CACNG8: variants seen among roughly 807,000 people sequenced by gnomAD.
CACNG8 encodes the protein voltage-dependent calcium channel gamma-8 subunit.
Under a neutral mutation model 26.9 loss-of-function variants are expected in CACNG8, and 5 were observed. The ratio of observed to expected loss-of-function variants is 0.19; its 90% CI spans 0.10 to 0.39. The LOEUF (loss-of-function observed/expected upper bound fraction) is 0.39. CACNG8 is among the 10% of genes least tolerant of loss of function. The pLI is 1.00. For synonymous variants in CACNG8, 321 were observed against 296.7 expected, an observed-to-expected ratio of 1.08 and a Z score of -0.84; for missense variants, 473 against 609.4, an observed-to-expected ratio of 0.78 and a Z score of 2.36.
intron 1 of CACNG8, among the ~76,000 whole-genome samples, chr19:53,964,673 T>A (rs2069262440): frequency 6.6e-6 from 1 of 152,012 alleles, no homozygotes; most frequent in Admixed American, 6.6e-5. Flanking sequence ...ACTTCCCCAC[T>A]TCTCCAAGAC....
chr19:53,978,255 G>A, intron 2 of CACNG8, 26 bp downstream of exon 2: 2 of 1,590,222 alleles, frequency 1.3e-6, no homozygotes, highest in Non-Finnish European at 8.6e-7. Context: ...GGACAGACGT[G>A]GGGAGTGGGT....
chr19:53,972,761 G>A (rs1408497724), intron 1 of CACNG8, among the ~76,000 whole-genome samples: 1 of 152,096 alleles, frequency 6.6e-6, no homozygotes, highest in East Asian at 1.9e-4. Flanking sequence ...GGGACGATCC[G>A]GTTCCAAAAC....
rs1482420204 is a variant in CACNG8 at position 53,984,083 on chromosome 19, C to T, written c.*1234C>T. 6.6e-6 allele frequency: 1 copy of T among 152,292 alleles called. No homozygotes were observed. Among genetic ancestry groups the T allele is most frequent in the Non-Finnish European group, 1.5e-5 (1 of 68,078 alleles). The allele number at this position is 152,292 out of a possible 1,614,324, so 9.4% of individuals were successfully genotyped here. On this transcript the variant is annotated 3_prime_UTR_variant, in exon 4 of 4. Coordinates refer to ENST00000270458, the MANE Select transcript of CACNG8 (RefSeq NM_031895.6). ...GGCACGGGCCCTTGGAGCTCACACT[C>T]TTGTGGGAGGAAGCACGTAATTACA...
intron 1 of CACNG8, among the ~76,000 whole-genome samples, chr19:53,974,083 G>A (rs1275289665): frequency 6.6e-6 from 1 of 152,006 alleles, no homozygotes; most frequent in Non-Finnish European, 1.5e-5. Flanking sequence ...CTTGCAAAAT[G>A]GAAACTCAGT....
At chr19:53,968,506 A>C (rs1306475702) in intron 1 of CACNG8, among the ~76,000 whole-genome samples, 2 of 151,822 alleles carry the variant, frequency 1.3e-5, no homozygotes, top group African/African-American at 4.8e-5. Context: ...GCGGTGGCTC[A>C]CGCCTGTAAT....
At position 53,982,128 on chromosome 19, in the gene CACNG8, G is replaced by A. The variant is rs142463241; in HGVS notation, c.557G>A (p.Gly186Asp). The change falls in exon 4 of 4, where the codon GGC (glycine) becomes GAC (aspartate). Residue 186 changes from glycine to aspartate, a missense_variant. By Grantham distance (94) the Gly-to-Asp change is moderately conservative. This residue lies in a region of CACNG8 where 155 missense variants were observed against 253.0 expected (regional missense o/e 0.61). Coordinates refer to ENST00000270458, the MANE Select transcript of CACNG8 (RefSeq NM_031895.6). The surrounding 1 kb of genome is among the most constrained non-coding windows in gnomAD (Gnocchi z 8.4). ...ATCGTGTACATCTCCGCCAACGCGG[G>A]CGAGCCGGGCCCGAAGCGGGACGAG... 18 of 1,609,444 alleles carry A rather than the reference G, an allele frequency of 1.1e-5. No individual in the cohort carries two copies. Among genetic ancestry groups the A allele is most frequent in the East Asian group, 6.7e-5 (3 of 44,626 alleles).
At position 53,985,695 on chromosome 19, in the gene CACNG8, G is replaced by A. The variant is rs1399041790; in HGVS notation, c.*2846G>A. 1 of 152,172 alleles carries A rather than the reference G, an allele frequency of 6.6e-6. No homozygotes were observed. The highest frequency in any genetic ancestry group is 1.5e-5 in the Non-Finnish European group (1 of 68,100). The allele number at this position is 152,172 out of a possible 1,614,324, so 9.4% of individuals were successfully genotyped here. A position where few individuals can be genotyped will look rare whatever the true frequency, so the allele number is the denominator to read the frequency against. ...CCAAAAATACAAAAATTAGCCGGGT[G>A]TGGTGGTGCACGCCTGTAGTCCCGG... On this transcript the variant is annotated 3_prime_UTR_variant, in exon 4 of 4. Coordinates refer to ENST00000270458, the MANE Select transcript of CACNG8 (RefSeq NM_031895.6).
intron 1 of CACNG8, among the ~76,000 whole-genome samples, chr19:53,976,292 T>C (rs1247833409): frequency 6.6e-6 from 1 of 152,154 alleles, no homozygotes; most frequent in Non-Finnish European, 1.5e-5. Flanking sequence ...AGGTGGAGGT[T>C]GCAGTGAGCC....
intron 1 of CACNG8, among the ~76,000 whole-genome samples, chr19:53,966,484 C>T (rs980749782): frequency 6.6e-6 from 1 of 152,128 alleles, no homozygotes; most frequent in Admixed American, 6.6e-5. Context: ...AAGACCATAG[C>T]TCACTGCAGC....
intron 3 of CACNG8, among the ~76,000 whole-genome samples, 158 bp from the exon 4 acceptor site, chr19:53,981,922 C>T (rs1457278448): frequency 2.6e-5 from 4 of 151,424 alleles, no homozygotes; most frequent in Admixed American, 6.6e-5. Flanking sequence ...CTTGGGTCAG[C>T]CAGATCCAGG....
chr19:53,982,666 C>G lies in CACNG8; in HGVS notation c.1095C>G (p.Phe365Leu), dbSNP rs2069379640. The G allele has an allele frequency of 9.2e-7, 1 of 1,090,104 alleles. No homozygotes were observed. The highest frequency in any genetic ancestry group is 5.7e-5 in the East Asian group (1 of 17,628). 67.5% of individuals were successfully genotyped at this position (1,090,104 alleles called of 1,614,324 possible). ...GGGACCGCGGGGGGGCGTCCGGCTT[C>G]CTCACGCTGCACAACGCCTTCCCCA... is the stretch of plus-strand genomic sequence containing the variant. The change falls in exon 4 of 4, where the codon TTC (phenylalanine) becomes TTG (leucine). Residue 365 changes from phenylalanine (F) to leucine (L), a missense_variant. Physicochemically the swap from Phe to Leu is conservative, Grantham distance 22. Transcript: ENST00000270458. This position sits in a 1 kb window ranked among gnomAD's most constrained non-coding sequence, Gnocchi z 8.4.
At chr19:53,963,517 C>T (rs1039864408) in intron 1 of CACNG8, 92 bp downstream of exon 1, 1 of 1,293,520 alleles carries the variant, frequency 7.7e-7, no homozygotes, top group African/African-American at 1.6e-5. Flanking sequence ...ATCCTGGGGC[C>T]CCCTTGGGCA....
At chr19:53,979,744 G>T in intron 2 of CACNG8, 123 bp from the exon 3 acceptor site, 1 of 1,000,696 alleles carries the variant, frequency 1.0e-6, no homozygotes, top group Non-Finnish European at 1.4e-6. Flanking sequence ...GAACACAGCC[G>T]GAGAGAGAGA....
At chr19:53,978,489 T>TTGGCC (rs1462078742) in intron 2 of CACNG8, among the ~76,000 whole-genome samples, 1 of 151,980 alleles carries the variant, frequency 6.6e-6, no homozygotes, top group African/African-American at 2.4e-5. Flanking sequence ...TTTGCTCTCT[T>TTGGCC]TGGCCCTCGC....
chr19:53,965,445 A>G (rs1466971410), intron 1 of CACNG8, among the ~76,000 whole-genome samples: 1 of 151,646 alleles, frequency 6.6e-6, no homozygotes, highest in Non-Finnish European at 1.5e-5. Flanking sequence ...CTCCTGTGGA[A>G]GTTTGAGTTC....
intron 1 of CACNG8, among the ~76,000 whole-genome samples, chr19:53,968,074 A>T (rs757043163): frequency 6.6e-6 from 1 of 151,508 alleles, no homozygotes; most frequent in Non-Finnish European, 1.5e-5. Flanking sequence ...AGATGGATGG[A>T]ATCACTTAGA....
intron 2 of CACNG8, 132 bp downstream of exon 2, chr19:53,978,361 C>G: frequency 1.5e-6 from 1 of 659,206 alleles, no homozygotes; most frequent in Non-Finnish European, 2.7e-6. Flanking sequence ...GCCTCCCAGC[C>G]AATCCGAGTC....
intron 1 of CACNG8, among the ~76,000 whole-genome samples, chr19:53,964,458 T>A (rs985187269): frequency 3.3e-5 from 5 of 151,926 alleles, no homozygotes; most frequent in African/African-American, 1.2e-4. Flanking sequence ...CCTGGTCCTT[T>A]CCTCCTTTTT....
rs2069380960 is a variant in CACNG8, at chr19:53,982,751, G to A, written c.1180G>A (p.Ala394Thr). ...CGGGCCGCCCGCCCCGCCCGCGCCC[G>A]CGCCACCCGCGCCCTCTGCGCCCGC... The change falls in exon 4 of 4, where the codon GCG becomes ACG. Residue 394 changes from alanine to threonine, a missense_variant. Ala to Thr is a moderately conservative substitution (Grantham distance 58). Coordinates refer to ENST00000270458, the MANE Select transcript of CACNG8 (RefSeq NM_031895.6). The surrounding 1 kb of genome is among the most constrained non-coding windows in gnomAD (Gnocchi z 8.4). The A allele has an allele frequency of 1.7e-6, 2 of 1,200,438 alleles. No individual in the cohort carries two copies. Among genetic ancestry groups the A allele is most frequent in the African/African-American group, 1.6e-5 (1 of 62,188 alleles). The allele number at this position is 1,200,438 out of a possible 1,614,324, so 74.4% of individuals were successfully genotyped here.
Sources: gnomAD v4.1 joint callset for allele counts (sites outside exome capture counted in the v4.1 genomes callset) on GRCh38, gnomAD v4.1.1 for gene constraint, gnomAD v4.1.1 regional missense constraint, Gnocchi (gnomAD v3.1) non-coding constraint, MANE v1.5 for transcripts, NCBI Gene and HGNC (gene_info 2026-07-23, HGNC 2026-07-21) for gene names.